Variants in ASIC2 observed in about 807,000 individuals in gnomAD.
ASIC2 encodes acid sensing ion channel subunit 2.
In ASIC2, 25 loss-of-function variants were observed where a neutral mutation model predicts 57.3. The ratio of observed to expected loss-of-function variants is 0.44; its 90% CI spans 0.32 to 0.61. ASIC2 has a LOEUF of 0.61. ASIC2 is among the 20% of genes least tolerant of loss of function. The pLI is 0.06. For synonymous variants in ASIC2, 319 were observed against 307.5 expected, an observed-to-expected ratio of 1.04 and a Z score of -0.39; for missense variants, 641 against 738.1, an observed-to-expected ratio of 0.87 and a Z score of 1.52.
At chr17:33,377,329 GCGTGAGCCACTGTGC>G (rs1202900138) in intron 1 of ASIC2, among the ~76,000 whole-genome samples, 4 of 152,222 alleles carry the variant, frequency 2.6e-5, no homozygotes, top group Non-Finnish European at 5.9e-5. Flanking sequence ...GCAATTACAG[GCGTGAGCCACTGTGC>G]CCAGCTAGAA....
rs184905170 is a variant in ASIC2 at position 33,912,232 on chromosome 17, G to A, written c.555+243746C>T. 4.7e-5 allele frequency among the ~76,000 whole-genome samples: 7 copies of A among 148,514 alleles called. No individual in the cohort carries two copies. In the East Asian group the frequency reaches 8.3e-4, roughly 18 times the overall value. On this transcript the variant is annotated intron_variant, in intron 1 of 9. Transcript: ENST00000359872. ...ATTCTGGCAGGATGTGGTGGCTCAC[G>A]CCTGTAATCCCGGCGCATTGTAGGC...
At chr17:33,730,164 T>A (rs1020433038) in intron 1 of ASIC2, among the ~76,000 whole-genome samples, 1 of 152,188 alleles carries the variant, frequency 6.6e-6, no homozygotes, top group Admixed American at 6.5e-5. Context: ...TGTGAATGGA[T>A]AACTAAAAAA....
intron 1 of ASIC2, among the ~76,000 whole-genome samples, chr17:33,856,938 G>T (rs761500670): frequency 6.6e-6 from 1 of 152,078 alleles, no homozygotes. Context: ...GGCTTGTCTT[G>T]TAGTCACGGA....
chr17:34,152,080 A>G (rs1186618680), intron 1 of ASIC2, among the ~76,000 whole-genome samples: 1 of 152,106 alleles, frequency 6.6e-6, no homozygotes, highest in Non-Finnish European at 1.5e-5. Context: ...CTTGTGCAAG[A>G]ATTCCAAAGA....
At chr17:33,291,066 C>T (rs1040536225) in intron 1 of ASIC2, 2 of 303,020 alleles carry the variant, frequency 6.6e-6, no homozygotes, top group Non-Finnish European at 1.2e-5. Context: ...TTCTTGGAGT[C>T]CTGAGGGCCT....
chr17:33,966,011 T>C (rs9904289), intron 1 of ASIC2, among the ~76,000 whole-genome samples: 76,834 of 152,122 alleles, frequency 0.51, 20,178 homozygotes, highest in African/African-American at 0.63. Flanking sequence ...TGCCAAGGCC[T>C]TCACTATGCA....
intron 1 of ASIC2, among the ~76,000 whole-genome samples, chr17:34,064,101 G>A (rs981939742): frequency 5.9e-5 from 9 of 152,146 alleles, no homozygotes; most frequent in African/African-American, 2.2e-4. Context: ...AAATCTGGAA[G>A]CATCACACTA....
At chr17:33,232,420 G>C (rs1259576236) in intron 1 of ASIC2, among the ~76,000 whole-genome samples, 1 of 147,548 alleles carries the variant, frequency 6.8e-6, no homozygotes, top group African/African-American at 2.6e-5. Context: ...GTATGGTATG[G>C]TATGGTATGG....
chr17:33,525,218 C>A (rs980142417), intron 1 of ASIC2, among the ~76,000 whole-genome samples: 1 of 152,062 alleles, frequency 6.6e-6, no homozygotes, highest in Non-Finnish European at 1.5e-5. Flanking sequence ...GGCTAGACTG[C>A]GCAACACTTC....
chr17:33,093,602 T>G (rs2092166196), intron 2 of ASIC2, among the ~76,000 whole-genome samples: 2 of 152,158 alleles, frequency 1.3e-5, no homozygotes, highest in African/African-American at 2.4e-5. Context: ...GAGTTCAGCC[T>G]GCAGAAGCCA....
chr17:34,007,163 G>C (rs1906555265), intron 1 of ASIC2, among the ~76,000 whole-genome samples: 1 of 152,204 alleles, frequency 6.6e-6, no homozygotes, highest in Non-Finnish European at 1.5e-5. Flanking sequence ...TGAAGTGACA[G>C]GAGAGTTAGC....
Position 33,899,311 on chromosome 17 carries a change from G to A in ASIC2, c.555+256667C>T, listed in dbSNP as rs117962619. Among the ~76,000 whole-genome samples the A allele has an allele frequency of 2.0e-3, 305 of 152,254 alleles. 4 individuals carry two copies. Among genetic ancestry groups the A allele is most frequent in the East Asian group, 0.011 (55 of 5,172 alleles). ...GAGATGGGGGTAGTGAAGCTGAACC[G>A]TGGGGTGGACCCCTGGAGTAAGCCT... On this transcript the variant is annotated intron_variant, in intron 1 of 9. Transcript: ENST00000359872.
At chr17:33,902,683 C>T (rs927118687) in intron 1 of ASIC2, among the ~76,000 whole-genome samples, 5 of 152,210 alleles carry the variant, frequency 3.3e-5, no homozygotes, top group Admixed American at 2.0e-4. Context: ...AGACAGTCAA[C>T]ATCTGGGTTT....
intron 1 of ASIC2, among the ~76,000 whole-genome samples, chr17:33,151,690 C>T (rs1904805502): frequency 6.6e-6 from 1 of 152,194 alleles, no homozygotes; most frequent in African/African-American, 2.4e-5. Context: ...GGGTTCACCC[C>T]ACTTCCCTGC....
intron 1 of ASIC2, among the ~76,000 whole-genome samples, chr17:34,125,817 T>A (rs1279891203): frequency 6.6e-6 from 1 of 152,056 alleles, no homozygotes; most frequent in Non-Finnish European, 1.5e-5. Context: ...GGTTTGCGGG[T>A]GAGCTGGAGC....
At chr17:33,613,229 A>T (rs993561432) in intron 1 of ASIC2, among the ~76,000 whole-genome samples, 1 of 152,164 alleles carries the variant, frequency 6.6e-6, no homozygotes, top group African/African-American at 2.4e-5. Context: ...ATGTGGTAGA[A>T]CCTTCAAATA....
At chr17:33,979,845 A>G (rs778311214) in intron 1 of ASIC2, among the ~76,000 whole-genome samples, 7 of 152,156 alleles carry the variant, frequency 4.6e-5, no homozygotes, top group Non-Finnish European at 7.4e-5. Flanking sequence ...CACACCTTCA[A>G]TAATGAAGAA....
At chr17:33,307,492 T>C (rs12453713) in intron 1 of ASIC2, among the ~76,000 whole-genome samples, 32,838 of 151,976 alleles carry the variant, frequency 0.22, 3,914 homozygotes, top group East Asian at 0.37. Context: ...GTATTTTTAG[T>C]AGAGACAGGA....
At chr17:33,647,735 G>A (rs907248285) in intron 1 of ASIC2, among the ~76,000 whole-genome samples, 2 of 152,190 alleles carry the variant, frequency 1.3e-5, no homozygotes, top group Non-Finnish European at 2.9e-5. Context: ...CAAAATGAAA[G>A]CCAAAGATAA....
Sources: allele counts gnomAD v4.1 joint callset (sites outside exome capture counted in the v4.1 genomes callset), GRCh38; gene constraint gnomAD v4.1.1; transcripts MANE v1.5; gene names NCBI Gene and HGNC (gene_info 2026-07-23, HGNC 2026-07-21).